The following IL1RL1 variants were observed in gnomAD, a reference collection of about 807,000 sequenced individuals.
The protein encoded by IL1RL1 is interleukin-1 receptor-like 1.
In IL1RL1, 32 loss-of-function variants were observed where a neutral mutation model predicts 50.9. The ratio of observed to expected loss-of-function variants is 0.63; its 90% confidence interval spans 0.47 to 0.84. The LOEUF is 0.84. IL1RL1 is among the 40% of genes least tolerant of loss of function. The pLI, the probability that IL1RL1 is intolerant of heterozygous loss-of-function variation, is 0.00. For synonymous variants in IL1RL1, 275 were observed against 236.0 expected (o/e 1.17, Z -1.51); for missense variants, 773 against 662.9 (o/e 1.17, Z -1.82).
downstream of IL1RL1, among the ~76,000 whole-genome samples, chr2:102,352,196 C>T (rs1239902288): frequency 1.3e-5 from 2 of 150,196 alleles, no homozygotes; most frequent in East Asian, 3.9e-4. Flanking sequence ...GATGTTTTCA[C>T]TACTCTTTTT....
intron 3 of IL1RL1, 84 bp from the exon 4 acceptor site, chr2:102,340,014 G>T (rs927481514): frequency 8.7e-6 from 6 of 686,208 alleles, no homozygotes; most frequent in Non-Finnish European, 1.3e-5. Context: ...AAGAAGAAAA[G>T]CAATATTAAG....
chr2:102,341,082 T>C, intron 5 of IL1RL1: 1 of 745,990 alleles, frequency 1.3e-6, no homozygotes, highest in Non-Finnish European at 1.8e-6. Flanking sequence ...TTTTGTGACT[T>C]AATTTTCCAA....
At chr2:102,344,752 A>G in intron 8 of IL1RL1, 2 of 941,956 alleles carry the variant, frequency 2.1e-6, no homozygotes, top group Non-Finnish European at 2.5e-6. Flanking sequence ...TTTTTTGTGT[A>G]CATTTCTACT....
intron 9 of IL1RL1, among the ~76,000 whole-genome samples, chr2:102,348,321 C>T (rs780862024): frequency 6.6e-6 from 1 of 152,150 alleles, no homozygotes; most frequent in Non-Finnish European, 1.5e-5. Context: ...TTTTCTTCCC[C>T]GATAGGATTG....
rs1218916989 is a variant in IL1RL1 at position 102,311,614 on chromosome 2, C to T, written c.-159C>T. On this transcript the variant is annotated 5_prime_UTR_variant, in exon 1 of 11. Transcript: ENST00000233954. Reference sequence around the variant, plus strand: ...TGAGGAAGAAAGAACTCAAGTACAACCCAATGAGGGTAAGTGGCTTTGGGG... The same window carrying T: ...TGAGGAAGAAAGAACTCAAGTACAATCCAATGAGGGTAAGTGGCTTTGGGG... The T allele has an allele frequency of 1.3e-5, 2 of 148,830 alleles. No homozygotes were observed. The highest frequency in any genetic ancestry group is 2.6e-5 in the African/African-American group (1 of 39,178). The allele number at this position is 148,830 out of a possible 1,614,324, so 9.2% of individuals were successfully genotyped here.
chr2:102,330,870 G>T (rs1015793872), intron 1 of IL1RL1, among the ~76,000 whole-genome samples: 6 of 152,084 alleles, frequency 3.9e-5, no homozygotes, highest in Non-Finnish European at 7.4e-5. Context: ...TAAAAAATAT[G>T]TTCCTACTTC....
chr2:102,316,674 A>G (rs1224153957), intron 1 of IL1RL1, among the ~76,000 whole-genome samples: 1 of 152,208 alleles, frequency 6.6e-6, no homozygotes, highest in Non-Finnish European at 1.5e-5. Flanking sequence ...TTATGTAAAA[A>G]TTACCTAGAA....
chr2:102,322,301 C>T (rs544913333), intron 1 of IL1RL1, among the ~76,000 whole-genome samples: 42 of 152,290 alleles, frequency 2.8e-4, no homozygotes, highest in African/African-American at 9.6e-4. Context: ...TTCTGGCCAT[C>T]CTTCATGCTT....
At chr2:102,345,645 G>C (rs1677757628) in intron 8 of IL1RL1, 1 of 985,236 alleles carries the variant, frequency 1.0e-6, no homozygotes, top group Non-Finnish European at 1.2e-6. Flanking sequence ...AGTGCTATGT[G>C]GGGTTTTTCT....
At chr2:102,350,502 A>G (rs903721594) in intron 10 of IL1RL1, among the ~76,000 whole-genome samples, 3 of 152,368 alleles carry the variant, frequency 2.0e-5, no homozygotes. Flanking sequence ...AAACCCAACA[A>G]CACCAAACTT....
chr2:102,338,545 G>A (rs139675575), intron 2 of IL1RL1, among the ~76,000 whole-genome samples: 196 of 152,284 alleles, frequency 1.3e-3, no homozygotes, highest in African/African-American at 4.4e-3. Flanking sequence ...AAATGCAGCA[G>A]AATTTAATGT....
chr2:102,329,474 A>C lies in IL1RL1; in HGVS notation c.-149-8642A>C, dbSNP rs1005002942. On this transcript the variant is annotated intron_variant, in intron 1 of 10. Transcript: ENST00000233954. ...ACACCAAAAGCAATGGCAACAAAAG[A>C]CAAAGTTGACAAATGGGATCTAATT... 2.5e-3 allele frequency among the ~76,000 whole-genome samples: 387 copies of C among 152,258 alleles called. 2 individuals carry two copies. The highest frequency in any genetic ancestry group is 7.9e-3 in the African/African-American group (327 of 41,564).
intron 1 of IL1RL1, among the ~76,000 whole-genome samples, chr2:102,321,046 T>A (rs1198569327): frequency 1.3e-5 from 2 of 152,356 alleles, no homozygotes; most frequent in East Asian, 3.9e-4. Context: ...CTGTTGGCCA[T>A]GTGGCTTCCC....
chr2:102,338,575 T>C (rs566052343), intron 2 of IL1RL1, among the ~76,000 whole-genome samples: 45 of 152,286 alleles, frequency 3.0e-4, no homozygotes, highest in African/African-American at 1.1e-3. Flanking sequence ...ACATGGGAAG[T>C]GTTGTGGATG....
Position 102,343,080 on chromosome 2 carries a change from A to AC in IL1RL1, c.728dup (p.Gln244SerfsTer11). On this transcript the variant is annotated frameshift_variant, in exon 7 of 11. Transcript: ENST00000233954. LOFTEE classifies it high-confidence loss of function. ...TTGCTCTGCTTGTTTTGGAAAAGGC[A>AC]CTCAGTTCTTGGCTGCCGTCCTGTG... The AC allele has an allele frequency of 1.2e-6, 2 of 1,614,096 alleles. No individual in the cohort carries two copies. Among genetic ancestry groups the AC allele is most frequent in the Non-Finnish European group, 1.7e-6 (2 of 1,179,992 alleles).
intron 1 of IL1RL1, among the ~76,000 whole-genome samples, chr2:102,326,083 T>C (rs1336755872): frequency 6.6e-6 from 1 of 152,094 alleles, no homozygotes. Context: ...AAGGCAAAAA[T>C]GTTAAGGGCA....
intron 1 of IL1RL1, among the ~76,000 whole-genome samples, chr2:102,324,251 T>C (rs985095227): frequency 6.6e-6 from 1 of 152,210 alleles, no homozygotes. Context: ...CCAAACTATG[T>C]TCACTGTATC....
chr2:102,342,198 A>G, intron 5 of IL1RL1, 25 bp from the exon 6 acceptor site: 1 of 1,523,102 alleles, frequency 6.6e-7, no homozygotes. Context: ...CTCTCCTAAT[A>G]TTTATATTTC....
chr2:102,332,877 TAA>T (rs1186120239), intron 1 of IL1RL1, among the ~76,000 whole-genome samples: 1 of 152,168 alleles, frequency 6.6e-6, no homozygotes, highest in Non-Finnish European at 1.5e-5. Flanking sequence ...GTAGTTAGGC[TAA>T]GTCTCACAGA....
Sources: gnomAD v4.1 joint callset for allele counts (sites outside exome capture counted in the v4.1 genomes callset) on GRCh38, gnomAD v4.1.1 for gene constraint, MANE v1.5 for transcripts, NCBI Gene and HGNC (gene_info 2026-07-23, HGNC 2026-07-21) for gene names.